The following ATG5 variants were observed in gnomAD, a reference collection of about 807,000 sequenced individuals.
ATG5 encodes the protein autophagy protein 5.
In ATG5, 14 loss-of-function variants were observed where a neutral mutation model predicts 36.5. That is an observed-to-expected ratio of 0.38 (90% CI 0.25 to 0.60). ATG5 has a LOEUF of 0.60. ATG5 is among the 20% of genes least tolerant of loss of function. The pLI is 0.60. For synonymous variants in ATG5, 95 were observed against 101.5 expected, an observed-to-expected ratio of 0.94 and a Z score of 0.38; for missense variants, 195 against 326.7, an observed-to-expected ratio of 0.60 and a Z score of 3.11.
At chr6:106,209,128 A>G (rs1273153322) in intron 6 of ATG5, among the ~76,000 whole-genome samples, 1 of 152,232 alleles carries the variant, frequency 6.6e-6, no homozygotes, top group Non-Finnish European at 1.5e-5. Flanking sequence ...GCAGTTTCTT[A>G]CAAAACTAAA....
At chr6:106,198,514 C>T (rs1232285865) in intron 7 of ATG5, among the ~76,000 whole-genome samples, 1 of 152,140 alleles carries the variant, frequency 6.6e-6, no homozygotes, top group East Asian at 1.9e-4. Context: ...TGGTAGCTCA[C>T]ACTTGTAATG....
chr6:106,324,105 G>A (rs955942595), intron 1 of ATG5, among the ~76,000 whole-genome samples: 3 of 151,700 alleles, frequency 2.0e-5, no homozygotes, highest in Admixed American at 6.6e-5. Flanking sequence ...AGCACTTTCC[G>A]CCACTTGACG....
chr6:106,196,079 C>T (rs1341620875), intron 7 of ATG5, among the ~76,000 whole-genome samples: 2 of 151,986 alleles, frequency 1.3e-5, no homozygotes, highest in African/African-American at 2.4e-5. Context: ...TTCATAATCA[C>T]CATTTAAAAA....
chr6:106,188,560 G>A (rs143993702), intron 7 of ATG5, among the ~76,000 whole-genome samples: 46 of 152,274 alleles, frequency 3.0e-4, no homozygotes, highest in Admixed American at 1.2e-3. Flanking sequence ...ACAATCCACT[G>A]ATGATGCACA....
At chr6:106,253,080 C>T (rs768685906) in intron 5 of ATG5, among the ~76,000 whole-genome samples, 4 of 151,980 alleles carry the variant, frequency 2.6e-5, no homozygotes, top group East Asian at 1.9e-4. Context: ...AAATATAGAC[C>T]CATATGAATT....
intron 6 of ATG5, among the ~76,000 whole-genome samples, chr6:106,205,183 A>G (rs1776584292): frequency 6.6e-6 from 1 of 152,146 alleles, no homozygotes; most frequent in Non-Finnish European, 1.5e-5. Context: ...GACTGGTGAG[A>G]GGCTGACTGA....
At chr6:106,290,315 T>C (rs1249837291) in intron 4 of ATG5, among the ~76,000 whole-genome samples, 2 of 151,660 alleles carry the variant, frequency 1.3e-5, no homozygotes, top group South Asian at 2.1e-4. Context: ...CTGTCATTCA[T>C]TCTTTCATTC....
At chr6:106,263,651 G>C (rs1779113426) in intron 5 of ATG5, among the ~76,000 whole-genome samples, 1 of 152,210 alleles carries the variant, frequency 6.6e-6, no homozygotes, top group Non-Finnish European at 1.5e-5. Flanking sequence ...GAAGCTTCCA[G>C]AGGAAGTAGC....
chr6:106,276,463 C>CG, intron 5 of ATG5, among the ~76,000 whole-genome samples: 1 of 91,158 alleles, frequency 1.1e-5, no homozygotes, highest in East Asian at 4.3e-4. Flanking sequence ...GACTCTGTCT[C>CG]CAAAAAAAAA....
intron 7 of ATG5, among the ~76,000 whole-genome samples, chr6:106,191,419 T>TAG (rs1416411749): frequency 1.3e-5 from 2 of 152,012 alleles, no homozygotes; most frequent in Admixed American, 6.6e-5. Context: ...TGGTCCAGAG[T>TAG]AGAGGATCAC....
intron 1 of ATG5, among the ~76,000 whole-genome samples, chr6:106,323,666 C>G (rs1002840965): frequency 4.6e-5 from 7 of 152,156 alleles, no homozygotes; most frequent in African/African-American, 1.7e-4. Flanking sequence ...TACCCTGATT[C>G]AAGTCACCTC....
At chr6:106,303,629 G>A (rs1770301347) in intron 3 of ATG5, among the ~76,000 whole-genome samples, 3 of 152,044 alleles carry the variant, frequency 2.0e-5, no homozygotes, top group Admixed American at 2.0e-4. Context: ...TCCCTCTTAT[G>A]AACATAAGAC....
chr6:106,299,424 C>T (rs975609009), intron 3 of ATG5, among the ~76,000 whole-genome samples: 3 of 152,104 alleles, frequency 2.0e-5, no homozygotes, highest in Non-Finnish European at 2.9e-5. Context: ...GGATGCAGAA[C>T]CCATGGATAC....
chr6:106,248,318 A>C lies in ATG5; in HGVS notation c.479-74T>G, dbSNP rs575369480. On this transcript the variant is annotated intron_variant, in intron 5 of 7. Transcript: ENST00000369076. Reference sequence around the variant, plus strand: ...GGAATACCTCACATGAAGAGATGAAAGTTTTAAATATCCCTCTAGAAGTTT... The same window carrying C: ...GGAATACCTCACATGAAGAGATGAACGTTTTAAATATCCCTCTAGAAGTTT... 17 of 1,050,766 alleles carry C rather than the reference A, an allele frequency of 1.6e-5. No homozygotes were observed. In the African/African-American group the frequency reaches 2.6e-4, roughly 16 times the overall value. 65.1% of individuals were successfully genotyped at this position (1,050,766 alleles called of 1,614,324 possible).
intron 7 of ATG5, among the ~76,000 whole-genome samples, chr6:106,200,450 C>A (rs973225169): frequency 6.6e-6 from 1 of 151,552 alleles, no homozygotes; most frequent in African/African-American, 2.4e-5. Flanking sequence ...AAAAAAATTT[C>A]TATTATATAA....
At chr6:106,193,313 A>G (rs1031706068) in intron 7 of ATG5, among the ~76,000 whole-genome samples, 1 of 152,178 alleles carries the variant, frequency 6.6e-6, no homozygotes, top group African/African-American at 2.4e-5. Context: ...TATACCAAAT[A>G]CCAGATATAC....
intron 6 of ATG5, among the ~76,000 whole-genome samples, chr6:106,234,621 A>T (rs1477245938): frequency 6.6e-6 from 1 of 152,168 alleles, no homozygotes; most frequent in Non-Finnish European, 1.5e-5. Flanking sequence ...GGCTCTTCAG[A>T]ATCTATGTGC....
chr6:106,201,287 G>A lies in ATG5; in HGVS notation c.691+685C>T, dbSNP rs1368750220. Among the ~76,000 whole-genome samples, 4 of 151,746 alleles carry A rather than the reference G, an allele frequency of 2.6e-5. No homozygotes were observed. The South Asian group carries it at 8.3e-4, about 32-fold the overall frequency. On this transcript the variant is annotated intron_variant, in intron 7 of 7. Coordinates refer to ENST00000369076, the MANE Select transcript of ATG5 (RefSeq NM_004849.4). ...TATTCAAGTGTATATGTGTGTGTGT[G>A]TGTGTGTGTGTGTGTGTGTCTCAAC...
In ATG5 at chr6:106,298,079, C is replaced by T. The variant is rs1404509818; in HGVS notation, c.237-4973G>A. Among the ~76,000 whole-genome samples the T allele has an allele frequency of 3.3e-5, 5 of 151,686 alleles. No individual in the cohort carries two copies. The South Asian group carries it at 6.3e-4, about 19-fold the overall frequency. ...TCCCAGGTTCAAGCGATTCTCCTGC[C>T]TCAGCCTCCCGAGTAGCTGGGATTA... On this transcript the variant is annotated intron_variant, in intron 3 of 7. Transcript: ENST00000369076.
Sources: gnomAD v4.1 joint callset for allele counts (sites outside exome capture counted in the v4.1 genomes callset) on GRCh38, gnomAD v4.1.1 for gene constraint, MANE v1.5 for transcripts, NCBI Gene and HGNC (gene_info 2026-07-23, HGNC 2026-07-21) for gene names.